The following TYRO3 variants were observed in gnomAD, a reference collection of about 807,000 sequenced individuals.
TYRO3 encodes the protein TYRO3 protein tyrosine kinase.
A neutral mutation model predicts 95.2 loss-of-function variants in TYRO3; 38 were observed. That is an observed-to-expected ratio of 0.40 (90% CI 0.31 to 0.52). TYRO3 has a LOEUF of 0.52. Ranked by LOEUF, TYRO3 falls within the 20% of genes least tolerant of loss-of-function variation. The pLI is 0.56. For synonymous variants in TYRO3, 367 were observed against 432.9 expected, an observed-to-expected ratio of 0.85 and a Z score of 1.89; for missense variants, 812 against 1,116.4, an observed-to-expected ratio of 0.73 and a Z score of 3.89.
chr15:41,561,669 G>C, intron 3 of TYRO3, 30 bp downstream of exon 3: 3 of 1,502,622 alleles, frequency 2.0e-6, no homozygotes, highest in Non-Finnish European at 2.7e-6. Flanking sequence ...TGGGCGTGTT[G>C]GCCTGGAGCA....
At chr15:41,570,932 G>A in intron 12 of TYRO3, 106 bp from the exon 13 acceptor site, 1 of 1,287,344 alleles carries the variant, frequency 7.8e-7, no homozygotes, top group Non-Finnish European at 1.1e-6. Flanking sequence ...CTTCTCCACT[G>A]GCCCCAGAGT....
In TYRO3 at chr15:41,564,286, G is replaced by A. The variant is rs2055692859; in HGVS notation, c.667+16G>A. ...CACCTTCAAGGTAGGAGGGCTGGCAGGGAGGAAGGGTGGATGAGGCCAGGG... is the reference window on the plus strand; with the variant it reads ...CACCTTCAAGGTAGGAGGGCTGGCAAGGAGGAAGGGTGGATGAGGCCAGGG... On this transcript the variant is annotated intron_variant, in intron 5 of 18. Transcript: ENST00000263798. 2 of 1,505,940 alleles carry A rather than the reference G, an allele frequency of 1.3e-6. No homozygotes were observed. The highest frequency in any genetic ancestry group is 1.4e-5 in the African/African-American group (1 of 74,010). 93.3% of individuals were successfully genotyped at this position (1,505,940 alleles called of 1,614,324 possible). A position where few individuals can be genotyped will look rare whatever the true frequency, so the allele number is the denominator to read the frequency against.
intron 18 of TYRO3, among the ~76,000 whole-genome samples, chr15:41,574,186 G>T (rs1348700578): frequency 1.3e-5 from 2 of 151,872 alleles, no homozygotes; most frequent in Non-Finnish European, 2.9e-5. Context: ...TATTTTATTT[G>T]TTCTACCCTA....
chr15:41,572,649 G>A (rs2055812139), intron 15 of TYRO3, 85 bp downstream of exon 15: 5 of 1,405,640 alleles, frequency 3.6e-6, no homozygotes, highest in Non-Finnish European at 4.8e-6. Context: ...GCAGAGAGGG[G>A]CTTGCTGGGT....
Position 41,562,797 on chromosome 15 carries a change from C to G in TYRO3, c.580+79C>G, listed in dbSNP as rs2055674925. 2.7e-6 allele frequency: 4 copies of G among 1,457,534 alleles called. No homozygotes were observed. The Admixed American group carries it at 6.2e-5, about 23-fold the overall frequency. The allele number at this position is 1,457,534 out of a possible 1,614,324, so 90.3% of individuals were successfully genotyped here. A position where few individuals can be genotyped will look rare whatever the true frequency, so the allele number is the denominator to read the frequency against. On this transcript the variant is annotated intron_variant, in intron 4 of 18. Transcript: ENST00000263798. ...GCACTGAAGCTGGCAGTTTCAGCCA[C>G]TGAGCTTGCGGTTGTGAGCGTCCAG...
rs1196911540 is a variant in TYRO3, at chr15:41,568,207, T to C, written c.962-10T>C. ...CAGGGGTCTTAGCAATCTTCTCTCT[T>C]TGGCTGCAGCCCCAGCCAGCGCTCC... is the stretch of plus-strand genomic sequence containing the variant. On this transcript the variant is annotated splice_polypyrimidine_tract_variant and intron_variant, in intron 7 of 18. Transcript: ENST00000263798. 1.3e-6 allele frequency: 2 copies of C among 1,578,818 alleles called. No homozygotes were observed. Among genetic ancestry groups the C allele is most frequent in the Non-Finnish European group, 1.7e-6 (2 of 1,155,740 alleles).
intron 18 of TYRO3, among the ~76,000 whole-genome samples, chr15:41,576,220 T>C (rs79998391): frequency 1.3e-5 from 2 of 151,604 alleles, no homozygotes; most frequent in Admixed American, 6.6e-5. Context: ...TGAAATGGAG[T>C]TTTGCTCTTG....
rs1340866191 is a variant in TYRO3, at chr15:41,582,374, C to T, written c.*4098C>T. The T allele has an allele frequency of 1.3e-5, 2 of 152,046 alleles. No homozygotes were observed. The highest frequency in any genetic ancestry group is 2.9e-5 in the Non-Finnish European group (2 of 68,006). 9.4% of individuals were successfully genotyped at this position (152,046 alleles called of 1,614,324 possible). ...CTAAACCCTGTCTTTACTAAAAATA[C>T]ACAAAATTAGCCAGGTATGGTGGCA... is the stretch of plus-strand genomic sequence containing the variant. On this transcript the variant is annotated 3_prime_UTR_variant, in exon 19 of 19. Transcript: ENST00000263798.
At chr15:41,561,683 G>T (rs1460828093) in intron 3 of TYRO3, 44 bp downstream of exon 3, 1 of 1,378,114 alleles carries the variant, frequency 7.3e-7, no homozygotes, top group Non-Finnish European at 1.0e-6. Flanking sequence ...TGGAGCACGT[G>T]CTGTCTGCTG....
rs367718441 is a variant in TYRO3 at position 41,573,398 on chromosome 15, C to T, written c.2076C>T (p.Ser692=). Residue 692 remains serine (S), a synonymous_variant, in exon 17 of 19, where the codon TCC becomes TCT. Coordinates refer to ENST00000263798, the MANE Select transcript of TYRO3 (RefSeq NM_006293.4). ...ACTACTATCGTCAAGGCTGTGCCTC[C>T]AAACTGCCTGTCAAGTGGCTGGCCC... The part of the protein sequence containing the change: ...SGDYYRQGCA[S]KLPVKWLALE... 4 of 1,614,154 alleles carry T rather than the reference C, an allele frequency of 2.5e-6. No homozygotes were observed. The African/African-American group carries it at 5.3e-5, about 22-fold the overall frequency.
At chr15:41,564,294 G>T (rs1372035910) in intron 5 of TYRO3, 24 bp downstream of exon 5, 3 of 1,592,476 alleles carry the variant, frequency 1.9e-6, no homozygotes, top group Non-Finnish European at 2.6e-6. Flanking sequence ...CAGGGAGGAA[G>T]GGTGGATGAG....
At chr15:41,574,585 C>T in intron 18 of TYRO3, 1 of 450,402 alleles carries the variant, frequency 2.2e-6, no homozygotes, top group South Asian at 1.6e-5. Context: ...GAATTTGAAC[C>T]TAGATCCCTG....
chr15:41,564,700 G>A (rs1245918911), intron 5 of TYRO3: 1 of 387,964 alleles, frequency 2.6e-6, no homozygotes, highest in African/African-American at 2.0e-5. Flanking sequence ...TGTGGCTGCA[G>A]GGGCAGCTGC....
At position 41,571,120 on chromosome 15, in the gene TYRO3, T is replaced by C; in HGVS notation, c.1660+2T>C. On this transcript the variant is annotated splice_donor_variant, in intron 13 of 18. Transcript: ENST00000263798. LOFTEE classifies it high-confidence loss of function. The stretch of plus-strand genomic sequence containing the variant: ...AAGTGGCTGTGAAGATGCTGAAAGG[T>C]GAGTGGGGGATAGCTGTAGCCTGAG... 1 of 1,599,942 alleles carries C rather than the reference T, an allele frequency of 6.3e-7. No homozygotes were observed. Among genetic ancestry groups the C allele is most frequent in the Admixed American group, 1.7e-5 (1 of 59,848 alleles).
chr15:41,570,511 T>C, intron 11 of TYRO3, 93 bp from the exon 12 acceptor site: 1 of 1,462,986 alleles, frequency 6.8e-7, no homozygotes, highest in South Asian at 1.2e-5. Flanking sequence ...TAAGCTCATC[T>C]CTATGCTCTG....
chr15:41,559,521 G>A, intron 1 of TYRO3, 140 bp downstream of exon 1: 1 of 291,576 alleles, frequency 3.4e-6, no homozygotes, highest in Non-Finnish European at 6.3e-6. Context: ...AGCCGGGACA[G>A]GGCACGCTGC....
intron 9 of TYRO3, among the ~76,000 whole-genome samples, chr15:41,569,317 A>AG (rs1472775463): frequency 4.8e-5 from 7 of 145,008 alleles, no homozygotes; most frequent in Non-Finnish European, 1.5e-5. Flanking sequence ...AAAAAAAAAC[A>AG]ATTAGCCTGG....
rs766750570 is a variant in TYRO3, at chr15:41,570,121, C to T, written c.1347C>T (p.Ile449=). 8.7e-6 allele frequency: 14 copies of T among 1,614,218 alleles called. No individual in the cohort carries two copies. Among genetic ancestry groups the T allele is most frequent in the Non-Finnish European group, 7.6e-6 (9 of 1,180,050 alleles). ...TGACGGCTGCTGCCCTGGCCCTCAT[C>T]CTGCTTCGAAAGAGACGGAAAGAGA... ...ALVTAAALAL[I]LLRKRRKETR... is the part of the protein sequence containing the mutation. The change falls in exon 10 of 19, where the codon ATC becomes ATT. Residue 449 remains isoleucine (I), a synonymous_variant. Coordinates refer to ENST00000263798, the MANE Select transcript of TYRO3 (RefSeq NM_006293.4).
intron 9 of TYRO3, among the ~76,000 whole-genome samples, chr15:41,569,784 T>G (rs2055771308): frequency 6.6e-6 from 1 of 152,176 alleles, no homozygotes; most frequent in South Asian, 2.1e-4. Flanking sequence ...CTATATCTCA[T>G]TCTCCTCTCT....
Sources: allele counts gnomAD v4.1 joint callset (sites outside exome capture counted in the v4.1 genomes callset), GRCh38; gene constraint gnomAD v4.1.1; transcripts MANE v1.5; gene names NCBI Gene and HGNC (gene_info 2026-07-23, HGNC 2026-07-21).